SLC25A21: variants seen among roughly 807,000 people sequenced by gnomAD.
SLC25A21 encodes the protein solute carrier family 25 member 21, also known as mitochondrial 2-oxodicarboxylate carrier.
Under a neutral mutation model 43.8 loss-of-function variants are expected in SLC25A21, and 47 were observed. That is an observed-to-expected ratio of 1.07 (90% confidence interval 0.85 to 1.37). The LOEUF is 1.37. SLC25A21 is among the 40% of genes most tolerant of loss of function. The pLI is 0.00. For missense variants in SLC25A21, 352 were observed against 350.2 expected (o/e 1.00, Z -0.04); for synonymous variants, 131 against 121.3 (o/e 1.08, Z -0.52).
intron 1 of SLC25A21, among the ~76,000 whole-genome samples, chr14:37,148,924 T>A (rs35281444): frequency 6.6e-6 from 1 of 152,060 alleles, no homozygotes; most frequent in African/African-American, 2.4e-5. Flanking sequence ...TCAGTATATA[T>A]AATGCTGGAT....
intron 7 of SLC25A21, among the ~76,000 whole-genome samples, chr14:36,708,744 G>GTTTTT (rs58837881): frequency 1.0e-4 from 11 of 108,490 alleles, no homozygotes; most frequent in Admixed American, 2.0e-4. Context: ...GCTAACGTTA[G>GTTTTT]TTTTTTTTTT....
rs1361693920 is a variant in SLC25A21 at position 37,040,328 on chromosome 14, G to GAAAGGAAAAGGGAAA, written c.70+131952_70+131953insTTTCCCTTTTCCTTT. Among the ~76,000 whole-genome samples the GAAAGGAAAAGGGAAA allele has an allele frequency of 2.8e-4, 11 of 39,490 alleles. 2 individuals are homozygous for GAAAGGAAAAGGGAAA. The highest frequency in any genetic ancestry group is 3.9e-4 in the African/African-American group (1 of 2,542). 25.9% of individuals were successfully genotyped at this position (39,490 alleles called of 152,430 possible). The stretch of plus-strand genomic sequence containing the variant: ...GGAAGGAAAGGAAGAAAGGAAGAGG[G>GAAAGGAAAAGGGAAA]GAAGGAAGGAAGGAAGGAAGGAAGG... On this transcript the variant is annotated intron_variant, in intron 1 of 9. Coordinates refer to ENST00000331299, the MANE Select transcript of SLC25A21 (RefSeq NM_030631.4).
At chr14:37,061,514 C>G (rs1441751039) in intron 1 of SLC25A21, among the ~76,000 whole-genome samples, 1 of 103,442 alleles carries the variant, frequency 9.7e-6, no homozygotes, top group African/African-American at 1.5e-4. Flanking sequence ...TGATTTTTTC[C>G]CCTCTAGTCA....
chr14:37,154,640 T>C (rs1213274898), intron 1 of SLC25A21, among the ~76,000 whole-genome samples: 2 of 128,378 alleles, frequency 1.6e-5, no homozygotes, highest in Admixed American at 1.5e-4. Context: ...TACTAAAAGA[T>C]AGATTTTTTT....
rs544521745 is a variant in SLC25A21 at position 36,930,228 on chromosome 14, C to G, written c.71-55224G>C. Among the ~76,000 whole-genome samples the G allele has an allele frequency of 3.9e-5, 6 of 152,214 alleles. No homozygotes were observed. The East Asian group carries it at 1.2e-3, about 29-fold the overall frequency. On this transcript the variant is annotated intron_variant, in intron 1 of 9. Coordinates refer to ENST00000331299, the MANE Select transcript of SLC25A21 (RefSeq NM_030631.4). ...ATATTAATAAATTGTTGTCATAAGC[C>G]ACCAAGTTTTGGCTAGCTAAAGAAT...
At chr14:37,064,925 T>G (rs958624444) in intron 1 of SLC25A21, among the ~76,000 whole-genome samples, 12 of 152,172 alleles carry the variant, frequency 7.9e-5, no homozygotes, top group African/African-American at 2.9e-4. Context: ...CACACATCTG[T>G]TAAGGGCCTA....
intron 1 of SLC25A21, among the ~76,000 whole-genome samples, chr14:36,924,581 T>G (rs888967426): frequency 1.3e-5 from 2 of 151,918 alleles, no homozygotes; most frequent in African/African-American, 4.8e-5. Context: ...ATGGAAATGA[T>G]GAGTTAATGG....
At chr14:37,033,902 A>G (rs1302144631) in intron 1 of SLC25A21, among the ~76,000 whole-genome samples, 1 of 152,198 alleles carries the variant, frequency 6.6e-6, no homozygotes, top group African/African-American at 2.4e-5. Context: ...TATTTTGGTA[A>G]TGGATTTGAT....
rs149417349 is a variant in SLC25A21 at position 36,769,240 on chromosome 14, C to T, written c.204-34667G>A. Among the ~76,000 whole-genome samples the T allele has an allele frequency of 7.3e-4, 111 of 152,296 alleles. 1 individual carries two copies. The highest frequency in any genetic ancestry group is 1.6e-3 in the Admixed American group (25 of 15,292). On this transcript the variant is annotated intron_variant, in intron 3 of 9. Transcript: ENST00000331299. ...AAGTTTATTTGTCTTAGTTTTCTAT[C>T]GTGGTGCTTTTGAATATTTCTATTC...
chr14:36,910,745 G>C (rs1268982016), intron 1 of SLC25A21, among the ~76,000 whole-genome samples: 1 of 152,112 alleles, frequency 6.6e-6, no homozygotes, highest in Non-Finnish European at 1.5e-5. Context: ...GCATTCATTA[G>C]TGGCTTATTT....
intron 1 of SLC25A21, among the ~76,000 whole-genome samples, chr14:37,079,267 C>G (rs944982456): frequency 6.6e-6 from 1 of 152,138 alleles, no homozygotes; most frequent in South Asian, 2.1e-4. Flanking sequence ...GAACAGCCTA[C>G]CTGGTATCCC....
chr14:37,070,232 A>G (rs1962143536), intron 1 of SLC25A21, among the ~76,000 whole-genome samples: 1 of 152,174 alleles, frequency 6.6e-6, no homozygotes, highest in Non-Finnish European at 1.5e-5. Context: ...CATATGACAG[A>G]GGAAGAGGTC....
chr14:36,910,855 T>C (rs1448501429), intron 1 of SLC25A21, among the ~76,000 whole-genome samples: 1 of 152,240 alleles, frequency 6.6e-6, no homozygotes, highest in East Asian at 1.9e-4. Context: ...ATTAATTCTC[T>C]AAATCAAAGA....
intron 1 of SLC25A21, among the ~76,000 whole-genome samples, chr14:37,046,957 C>G (rs1961599823): frequency 6.6e-6 from 1 of 152,190 alleles, no homozygotes; most frequent in Non-Finnish European, 1.5e-5. Flanking sequence ...ACAATGGCAT[C>G]CGGAACATTT....
intron 2 of SLC25A21, among the ~76,000 whole-genome samples, chr14:36,830,989 C>A (rs1192182394): frequency 6.6e-6 from 1 of 152,186 alleles, no homozygotes; most frequent in Admixed American, 6.5e-5. Context: ...AGGCTAAAGC[C>A]TGATTTTATT....
At position 37,007,401 on chromosome 14, in the gene SLC25A21, G is replaced by A. The variant is rs151174793; in HGVS notation, c.71-132397C>T. 6.6e-3 allele frequency among the ~76,000 whole-genome samples: 1,008 copies of A among 152,210 alleles called. 10 individuals carry two copies. The highest frequency in any genetic ancestry group is 0.023 in the African/African-American group (953 of 41,510). On this transcript the variant is annotated intron_variant, in intron 1 of 9. Transcript: ENST00000331299. Reference sequence around the variant, plus strand: ...TCAGATCACTTAAGGTCAGGAGTTTGAGACCAGCCTGGCCAATATGGTTAA... The same window carrying A: ...TCAGATCACTTAAGGTCAGGAGTTTAAGACCAGCCTGGCCAATATGGTTAA...
intron 1 of SLC25A21, among the ~76,000 whole-genome samples, chr14:36,877,386 G>C (rs1890567739): frequency 6.6e-6 from 1 of 152,188 alleles, no homozygotes; most frequent in African/African-American, 2.4e-5. Context: ...ATTTCTGGTA[G>C]TAAACAGATA....
At chr14:36,751,804 T>C (rs1190131381) in intron 3 of SLC25A21, among the ~76,000 whole-genome samples, 2 of 152,210 alleles carry the variant, frequency 1.3e-5, no homozygotes, top group East Asian at 1.9e-4. Flanking sequence ...ATGTGGATAG[T>C]TTGTCCATGA....
chr14:36,768,859 C>A (rs1886509153), intron 3 of SLC25A21, among the ~76,000 whole-genome samples: 1 of 150,784 alleles, frequency 6.6e-6, no homozygotes, highest in African/African-American at 2.4e-5. Flanking sequence ...CTTTGGAAGG[C>A]TGAGGCAGAA....
Sources: allele counts gnomAD v4.1 joint callset (sites outside exome capture counted in the v4.1 genomes callset), GRCh38; gene constraint gnomAD v4.1.1; transcripts MANE v1.5; gene names NCBI Gene and HGNC (gene_info 2026-07-23, HGNC 2026-07-21).